ARHGEF11: variants seen among roughly 807,000 people sequenced by gnomAD.
ARHGEF11 encodes Rho guanine nucleotide exchange factor 11.
In ARHGEF11, 55 loss-of-function variants were observed where a neutral mutation model predicts 193.7. The observed-to-expected ratio is 0.28, with a 90% CI of 0.23 to 0.36. The LOEUF (loss-of-function observed/expected upper bound fraction) is 0.36, where lower values mean the gene tolerates loss of function less well. ARHGEF11 is among the 10% of genes least tolerant of loss of function. ARHGEF11 has a pLI of 1.00. For missense variants in ARHGEF11, 1,723 were observed against 2,005.6 expected (o/e 0.86, Z 2.69); for synonymous variants, 693 against 768.0 (o/e 0.90, Z 1.62).
At chr1:157,032,445 C>T (rs1439204889) in intron 1 of ARHGEF11, among the ~76,000 whole-genome samples, 2 of 152,222 alleles carry the variant, frequency 1.3e-5, no homozygotes, top group African/African-American at 4.8e-5. Flanking sequence ...CAATGCAGAT[C>T]CTCAGGCCCC....
At chr1:156,941,347 C>T (rs1656864497) in intron 35 of ARHGEF11, 25 bp downstream of exon 35, 1 of 1,613,388 alleles carries the variant, frequency 6.2e-7, no homozygotes, top group Middle Eastern at 1.7e-4. Flanking sequence ...GGGCTGGCTC[C>T]CACAGGACAG....
chr1:157,044,311 T>C lies in ARHGEF11; in HGVS notation c.20A>G (p.Gln7Arg). The change falls in exon 1 of 41, where the codon CAG becomes CGG. Residue 7 changes from glutamine (Q) to arginine (R), a missense_variant. Gln to Arg is a conservative substitution (Grantham distance 43). This residue lies in a region of ARHGEF11 where 646 missense variants were observed against 710.7 expected (regional missense o/e 0.91). Transcript: ENST00000368194. MSVRLPQSIDRLSSLSS... is the reference protein window; with the variant it reads MSVRLPRSIDRLSSLSS... ...TTAGCAAACCTACCTGTCTATACTC[T>C]GGGGTAACCTTACACTCATGGTTTC... The C allele has an allele frequency of 8.7e-6, 14 of 1,613,740 alleles. No individual in the cohort carries two copies. Among genetic ancestry groups the C allele is most frequent in the Non-Finnish European group, 1.2e-5 (14 of 1,179,910 alleles).
intron 22 of ARHGEF11, chr1:156,949,202 C>G (rs1244160463): frequency 2.7e-6 from 2 of 732,980 alleles, no homozygotes; most frequent in Non-Finnish European, 3.3e-6. Context: ...TAGGCAGGAC[C>G]CGCTCCTTGG....
In ARHGEF11 at chr1:156,936,938, G is replaced by A. The variant is rs1204729168; in HGVS notation, c.4508C>T (p.Pro1503Leu). Residue 1503 changes from proline (P) to leucine (L), a missense_variant, in exon 40 of 41, where the codon CCT becomes CTT. This residue lies in a region of ARHGEF11 where 360 missense variants were observed against 344.4 expected (regional missense o/e 1.05). Transcript: ENST00000368194. Reference protein sequence around the residue: ...LGGESSGGTTPVGSFHTEAAR... With the variant: ...LGGESSGGTTLVGSFHTEAAR... Reference sequence around the variant, plus strand: ...TGCTTCTGTGTGGAAACTGCCCACAGGCGTGGTGCCACCAGATGACTCTCC... The same window carrying A: ...TGCTTCTGTGTGGAAACTGCCCACAAGCGTGGTGCCACCAGATGACTCTCC... 3.1e-6 allele frequency: 5 copies of A among 1,614,142 alleles called. No individual in the cohort carries two copies. The highest frequency in any genetic ancestry group is 4.2e-6 in the Non-Finnish European group (5 of 1,180,032).
At chr1:157,013,444 A>T (rs1443549531) in intron 1 of ARHGEF11, among the ~76,000 whole-genome samples, 1 of 151,620 alleles carries the variant, frequency 6.6e-6, no homozygotes, top group African/African-American at 2.4e-5. Flanking sequence ...AGCCCCTATG[A>T]ATTCCTCAAA....
Position 156,963,591 on chromosome 1 carries a change from C to T in ARHGEF11, c.967G>A (p.Val323Ile), listed in dbSNP as rs760169289. ...AAVPSTGDQG[V>I]DQSPKPLIIG... ...ATTAAAGGCTTTGGGCTTTGATCTA[C>T]ACCCTGGGGGAGAGAGTCAAATTGC... The change falls in exon 12 of 41, where the codon GTA becomes ATA. Residue 323 changes from valine to isoleucine, a missense_variant. Val to Ile is a conservative substitution (Grantham distance 29). This residue lies in a region of ARHGEF11 where 646 missense variants were observed against 710.7 expected (regional missense o/e 0.91). Transcript: ENST00000368194. 16 of 1,613,934 alleles carry T rather than the reference C, an allele frequency of 9.9e-6. No homozygotes were observed. Among genetic ancestry groups the T allele is most frequent in the South Asian group, 9.9e-5 (9 of 91,054 alleles).
chr1:156,956,442 G>A lies in ARHGEF11; in HGVS notation c.1649C>T (p.Pro550Leu), dbSNP rs764228577. 6 of 1,613,960 alleles carry A rather than the reference G, an allele frequency of 3.7e-6. No individual in the cohort carries two copies. The highest frequency in any genetic ancestry group is 1.7e-5 in the Admixed American group (1 of 59,996). The change falls in exon 19 of 41, where the codon CCG becomes CTG. Residue 550 changes from proline (P) to leucine (L), a missense_variant. Physicochemically the swap from Pro to Leu is moderately conservative, Grantham distance 98 (BLOSUM62 -3). This residue lies in a region of ARHGEF11 where 491 missense variants were observed against 654.5 expected (regional missense o/e 0.75). Transcript: ENST00000368194. Reference protein sequence around the residue: ...QSAPDKDKWLPFFPKTKKSSN... With the variant: ...QSAPDKDKWLLFFPKTKKSSN... The stretch of plus-strand genomic sequence containing the variant: ...CACCTTCTTGGTCTTAGGGAAGAAC[G>A]GTAGCCACTTGTCCTTGTCAGGAGC...
intron 1 of ARHGEF11, among the ~76,000 whole-genome samples, chr1:157,033,799 A>T (rs766611384): frequency 6.6e-5 from 10 of 151,256 alleles, no homozygotes; most frequent in Non-Finnish European, 1.5e-4. Context: ...ACTTTCCCTT[A>T]CTCCAGCCTA....
At chr1:156,994,210 C>T (rs1666156521) in intron 1 of ARHGEF11, among the ~76,000 whole-genome samples, 1 of 152,134 alleles carries the variant, frequency 6.6e-6, no homozygotes, top group African/African-American at 2.4e-5. Flanking sequence ...CTTATTCATC[C>T]TTGTATCACC....
intron 1 of ARHGEF11, among the ~76,000 whole-genome samples, chr1:157,021,342 C>G (rs868272963): frequency 2.0e-5 from 3 of 152,124 alleles, no homozygotes; most frequent in African/African-American, 7.2e-5. Flanking sequence ...AAAAAGAAAG[C>G]AGAATCACAG....
At chr1:156,961,387 G>A (rs534343296) in intron 14 of ARHGEF11, among the ~76,000 whole-genome samples, 91 of 152,310 alleles carry the variant, frequency 6.0e-4, no homozygotes, top group African/African-American at 2.2e-3. Flanking sequence ...GGGAGGGTTG[G>A]GGGGAACCAG....
At position 157,001,485 on chromosome 1, in the gene ARHGEF11, C is replaced by T. The variant is rs374089155; in HGVS notation, c.33-15312G>A. 3.1e-3 allele frequency among the ~76,000 whole-genome samples: 472 copies of T among 152,342 alleles called. 1 individual carries two copies. The highest frequency in any genetic ancestry group is 0.011 in the African/African-American group (453 of 41,580). On this transcript the variant is annotated intron_variant, in intron 1 of 40. Coordinates refer to ENST00000368194, the MANE Select transcript of ARHGEF11 (RefSeq NM_198236.3). Reference sequence around the variant, plus strand: ...CATTCCCTCACATTGACTAATGGGCCTTGGACCACTAGAACATTAGCCACT... The same window carrying T: ...CATTCCCTCACATTGACTAATGGGCTTTGGACCACTAGAACATTAGCCACT...
In ARHGEF11 at chr1:156,935,984, TTGG is replaced by T. The variant is rs757801005; in HGVS notation, c.*13_*15del. The T allele has an allele frequency of 5.6e-6, 9 of 1,608,978 alleles. No individual in the cohort carries two copies. Among genetic ancestry groups the T allele is most frequent in the South Asian group, 1.1e-5 (1 of 90,588 alleles). On this transcript the variant is annotated 3_prime_UTR_variant, in exon 41 of 41. Transcript: ENST00000368194. ...AAGGAGGAGTGGGGACGCAGAGGAT[TTGG>T]TGGTTTGTACGGTTATGGTCCTGGT...
At chr1:157,035,942 T>C (rs4061793) in intron 1 of ARHGEF11, among the ~76,000 whole-genome samples, 880 of 69,980 alleles carry the variant, frequency 0.013, 129 homozygotes, top group Middle Eastern at 0.069. Context: ...TATGAATCTA[T>C]ATATAGGAAT....
intron 1 of ARHGEF11, among the ~76,000 whole-genome samples, chr1:156,994,834 G>A (rs1450628239): frequency 7.0e-6 from 1 of 142,884 alleles, no homozygotes; most frequent in Non-Finnish European, 1.5e-5. Context: ...AATAACAAAT[G>A]TAGGTAATAC....
chr1:157,000,822 T>A (rs754354860), intron 1 of ARHGEF11, among the ~76,000 whole-genome samples: 2 of 152,044 alleles, frequency 1.3e-5, no homozygotes, highest in Non-Finnish European at 2.9e-5. Flanking sequence ...GCAAACTGAG[T>A]CATGGCAACC....
chr1:156,996,859 ATTTTTTTTT>A (rs60592654), intron 1 of ARHGEF11, among the ~76,000 whole-genome samples: 4 of 93,858 alleles, frequency 4.3e-5, no homozygotes, highest in Non-Finnish European at 7.9e-5. Flanking sequence ...CTCTCTCTCT[ATTTTTTTTT>A]TTTTTTTTTT....
At chr1:156,970,487 C>T (rs181361959) in intron 8 of ARHGEF11, among the ~76,000 whole-genome samples, 3 of 152,328 alleles carry the variant, frequency 2.0e-5, no homozygotes, top group Non-Finnish European at 4.4e-5. Flanking sequence ...GTTGATAGTG[C>T]TTTGCTGTTT....
Position 156,977,033 on chromosome 1 carries a change from C to T in ARHGEF11, c.532G>A (p.Ala178Thr). The T allele has an allele frequency of 6.2e-7, 1 of 1,613,926 alleles. No homozygotes were observed. Among genetic ancestry groups the T allele is most frequent in the Non-Finnish European group, 8.5e-7 (1 of 1,179,916 alleles). ...AGCATATTCCTGAGGATCTGGGTGG[C>T]ATGTTTTTGAACTTCGGGATCCTAG... The part of the protein sequence containing the change: ...PLQDPEVQKH[A>T]TQILRNMLRQ... The change falls in exon 7 of 41, where the codon GCC (alanine) becomes ACC (threonine). Residue 178 changes from alanine to threonine, a missense_variant. Coordinates refer to ENST00000368194, the MANE Select transcript of ARHGEF11 (RefSeq NM_198236.3).
Sources: allele counts gnomAD v4.1 joint callset (sites outside exome capture counted in the v4.1 genomes callset), GRCh38; gene constraint gnomAD v4.1.1; regional missense constraint gnomAD v4.1.1; transcripts MANE v1.5; gene names NCBI Gene and HGNC (gene_info 2026-07-23, HGNC 2026-07-21).